Variants in CDS1 observed in about 807,000 individuals in gnomAD.
The protein encoded by CDS1 is phosphatidate cytidylyltransferase 1.
CDS1 carries 41 observed loss-of-function variants against 62.1 expected under a neutral mutation model. The observed-to-expected ratio is 0.66, with a 90% CI of 0.51 to 0.86. The LOEUF is 0.86. CDS1 is among the 40% of genes least tolerant of loss of function. CDS1 has a pLI of 0.00. For synonymous variants in CDS1, 185 were observed against 192.6 expected (o/e 0.96, Z 0.32); for missense variants, 470 against 550.1 (o/e 0.85, Z 1.46).
At chr4:84,635,688 T>TTCCC (rs1560481711) in intron 8 of CDS1, among the ~76,000 whole-genome samples, 11 of 56,502 alleles carry the variant, frequency 1.9e-4, no homozygotes, top group Non-Finnish European at 9.9e-5. Flanking sequence ...CCTTCCTTCC[T>TTCCC]TCCCTCCTTC....
At chr4:84,624,291 C>CA (rs36093550) in intron 5 of CDS1, among the ~76,000 whole-genome samples, 10,143 of 119,426 alleles carry the variant, frequency 0.085, 1,257 homozygotes, top group African/African-American at 0.26. Context: ...AAAAAACAAA[C>CA]AAAAAAAAAA....
At chr4:84,614,437 A>G (rs1350451724) in intron 3 of CDS1, among the ~76,000 whole-genome samples, 1 of 152,180 alleles carries the variant, frequency 6.6e-6, no homozygotes, top group African/African-American at 2.4e-5. Flanking sequence ...TTATTTGTAG[A>G]CATTCAGGTT....
chr4:84,597,266 G>A (rs181986315), intron 1 of CDS1, among the ~76,000 whole-genome samples: 224 of 152,226 alleles, frequency 1.5e-3, no homozygotes, highest in Admixed American at 4.3e-3. Flanking sequence ...AAAAAATAAG[G>A]AGGCTTTATC....
intron 10 of CDS1, among the ~76,000 whole-genome samples, chr4:84,642,809 CT>C (rs1444992216): frequency 6.6e-6 from 1 of 152,166 alleles, no homozygotes; most frequent in African/African-American, 2.4e-5. Context: ...TGTCATTATT[CT>C]TACAGAGAGA....
chr4:84,591,941 T>C (rs1353734093), intron 1 of CDS1, among the ~76,000 whole-genome samples: 1 of 152,154 alleles, frequency 6.6e-6, no homozygotes, highest in Non-Finnish European at 1.5e-5. Context: ...AGCCTGTCAT[T>C]GGGTGATTTC....
intron 11 of CDS1, among the ~76,000 whole-genome samples, chr4:84,644,255 A>G (rs561473828): frequency 5.3e-5 from 8 of 152,328 alleles, no homozygotes; most frequent in Non-Finnish European, 8.8e-5. Context: ...TAGGGCAGAC[A>G]ATACACTTCC....
At chr4:84,634,061 T>C (rs1177928816) in intron 7 of CDS1, 122 bp downstream of exon 7, 3 of 471,148 alleles carry the variant, frequency 6.4e-6, no homozygotes, top group African/African-American at 4.0e-5. Context: ...TATATTCCAT[T>C]AAACTATCTT....
At chr4:84,602,072 T>G (rs1047410306) in intron 1 of CDS1, among the ~76,000 whole-genome samples, 5 of 152,190 alleles carry the variant, frequency 3.3e-5, no homozygotes, top group Admixed American at 6.5e-5. Context: ...CACTCTTATT[T>G]TCCTTTTCAA....
chr4:84,619,081 A>G (rs1260643214), intron 4 of CDS1, among the ~76,000 whole-genome samples: 1 of 148,526 alleles, frequency 6.7e-6, no homozygotes, highest in Non-Finnish European at 1.5e-5. Context: ...ACACACACAC[A>G]CACACTGCTC....
rs184428683 is a variant in CDS1, at chr4:84,604,068, C to G, written c.118-175C>G. On this transcript the variant is annotated intron_variant, in intron 1 of 12. Transcript: ENST00000295887. ...AGTAGTAGATTTTAGCGAAGATAGT[C>G]AAACTTTCCTAACAAAGAAGTATAG... Among the ~76,000 whole-genome samples the G allele has an allele frequency of 9.2e-5, 14 of 152,224 alleles. No homozygotes were observed. The East Asian group carries it at 2.7e-3, about 29-fold the overall frequency.
intron 2 of CDS1, among the ~76,000 whole-genome samples, chr4:84,609,012 A>G (rs907367201): frequency 1.3e-5 from 2 of 151,962 alleles, no homozygotes; most frequent in Non-Finnish European, 2.9e-5. Flanking sequence ...CCCCGTCTCT[A>G]CTAAAAATAC....
chr4:84,614,306 T>C (rs1421647504), intron 3 of CDS1, among the ~76,000 whole-genome samples: 1 of 152,150 alleles, frequency 6.6e-6, no homozygotes, highest in East Asian at 1.9e-4. Context: ...GTCTTTATAA[T>C]CATTAGCTTT....
intron 2 of CDS1, among the ~76,000 whole-genome samples, chr4:84,608,006 C>T (rs192575462): frequency 3.3e-5 from 5 of 152,196 alleles, no homozygotes; most frequent in African/African-American, 9.6e-5. Flanking sequence ...ATTTGTATGG[C>T]ACAATGGGGA....
At chr4:84,635,145 G>C (rs951504123) in intron 7 of CDS1, 119 bp from the exon 8 acceptor site, 2 of 603,290 alleles carry the variant, frequency 3.3e-6, no homozygotes, top group African/African-American at 3.8e-5. Context: ...TGGGTAGGCT[G>C]CAGTGCAATC....
chr4:84,645,523 A>G (rs1724531275), intron 12 of CDS1, among the ~76,000 whole-genome samples, 198 bp downstream of exon 12: 1 of 152,210 alleles, frequency 6.6e-6, no homozygotes, highest in African/African-American at 2.4e-5. Flanking sequence ...TTAAAAAAAG[A>G]TAGTATTTGT....
intron 12 of CDS1, among the ~76,000 whole-genome samples, chr4:84,646,372 A>G (rs1489508904): frequency 6.6e-6 from 1 of 151,810 alleles, no homozygotes; most frequent in South Asian, 2.1e-4. Flanking sequence ...TAAATGTTCA[A>G]TATGCTGTTC....
intron 8 of CDS1, among the ~76,000 whole-genome samples, chr4:84,638,688 T>A (rs1316673733): frequency 6.6e-6 from 1 of 152,118 alleles, no homozygotes; most frequent in Non-Finnish European, 1.5e-5. Flanking sequence ...CAAACACATA[T>A]TCACAGCATT....
intron 1 of CDS1, among the ~76,000 whole-genome samples, chr4:84,595,977 TTAAG>T (rs1396215697): frequency 2.6e-5 from 4 of 152,180 alleles, no homozygotes; most frequent in Non-Finnish European, 4.4e-5. Context: ...GGCCTTAAAA[TTAAG>T]TAAGATTTGA....
intron 5 of CDS1, among the ~76,000 whole-genome samples, chr4:84,627,513 T>C (rs1456248336): frequency 6.6e-6 from 1 of 152,206 alleles, no homozygotes; most frequent in African/African-American, 2.4e-5. Flanking sequence ...ATTATATGGT[T>C]AGCAGTGATG....
Sources: gnomAD v4.1 joint callset for allele counts (sites outside exome capture counted in the v4.1 genomes callset) on GRCh38, gnomAD v4.1.1 for gene constraint, MANE v1.5 for transcripts, NCBI Gene and HGNC (gene_info 2026-07-23, HGNC 2026-07-21) for gene names.